Variants in ADAMTSL1 observed in about 807,000 individuals in gnomAD.
ADAMTSL1 encodes ADAMTS like 1, also known as ADAMTS-like protein 1.
Under a neutral mutation model 201.8 loss-of-function variants are expected in ADAMTSL1, and 126 were observed. That is an observed-to-expected ratio of 0.62 (90% CI 0.54 to 0.72). ADAMTSL1 has a LOEUF of 0.72. Ranked by LOEUF, ADAMTSL1 falls within the 30% of genes least tolerant of loss-of-function variation. The probability of loss-of-function intolerance (pLI) is 0.00; values close to 1 mark genes in which losing one functional copy is unlikely to be tolerated. For missense variants in ADAMTSL1, 2,679 were observed against 2,277.8 expected (o/e 1.18, Z -3.59); for synonymous variants, 1,121 against 903.4 (o/e 1.24, Z -4.32).
chr9:17,943,178 G>C (rs1438922794), intron 1 of ADAMTSL1, among the ~76,000 whole-genome samples: 1 of 152,100 alleles, frequency 6.6e-6, no homozygotes, highest in Non-Finnish European at 1.5e-5. Context: ...CTGGGTTCAA[G>C]CAGTCCTCTC....
intron 2 of ADAMTSL1, among the ~76,000 whole-genome samples, chr9:18,441,644 G>C (rs933567880): frequency 1.3e-5 from 2 of 152,076 alleles, no homozygotes; most frequent in African/African-American, 4.8e-5. Flanking sequence ...ATGGCATGAT[G>C]CCTCTTCAAA....
At chr9:18,017,276 G>A (rs932269594) in intron 1 of ADAMTSL1, among the ~76,000 whole-genome samples, 5 of 151,972 alleles carry the variant, frequency 3.3e-5, no homozygotes, top group East Asian at 1.9e-4. Context: ...CTTCATATTC[G>A]TTCTGAATGT....
At chr9:18,110,112 C>T (rs1824939245) in intron 1 of ADAMTSL1, among the ~76,000 whole-genome samples, 1 of 152,192 alleles carries the variant, frequency 6.6e-6, no homozygotes, top group South Asian at 2.1e-4. Flanking sequence ...TTTCCTCTTT[C>T]CCTAGAGACT....
At chr9:18,878,852 G>A (rs1361708102) in intron 23 of ADAMTSL1, among the ~76,000 whole-genome samples, 1 of 152,168 alleles carries the variant, frequency 6.6e-6, no homozygotes, top group East Asian at 1.9e-4. Flanking sequence ...TCGAAGCTTG[G>A]AGGAGAGGCC....
chr9:17,949,929 T>A (rs911502705), intron 1 of ADAMTSL1, among the ~76,000 whole-genome samples: 2 of 151,910 alleles, frequency 1.3e-5, no homozygotes, highest in Non-Finnish European at 2.9e-5. Context: ...CCGTAGTGCT[T>A]TTTTTTTGAG....
At chr9:18,884,182 C>G (rs1439324676) in intron 23 of ADAMTSL1, among the ~76,000 whole-genome samples, 2 of 152,118 alleles carry the variant, frequency 1.3e-5, no homozygotes, top group African/African-American at 4.8e-5. Context: ...AGCATCTTTT[C>G]ATGTGTTTAT....
intron 23 of ADAMTSL1, among the ~76,000 whole-genome samples, chr9:18,836,349 T>G (rs1027317370): frequency 1.3e-5 from 2 of 152,126 alleles, no homozygotes; most frequent in African/African-American, 4.8e-5. Context: ...GGATACATAG[T>G]TTTTGAATAT....
At chr9:18,433,789 G>C (rs547273444) in intron 2 of ADAMTSL1, among the ~76,000 whole-genome samples, 1 of 152,270 alleles carries the variant, frequency 6.6e-6, no homozygotes, top group South Asian at 2.1e-4. Flanking sequence ...AGTTCCACAA[G>C]TTTTAACAAA....
chr9:18,448,604 T>C (rs1219780274), intron 2 of ADAMTSL1, among the ~76,000 whole-genome samples: 2 of 152,332 alleles, frequency 1.3e-5, no homozygotes, highest in East Asian at 1.9e-4. Context: ...ATATTAATTG[T>C]AGATGTTTCT....
chr9:18,287,597 A>ATATATG (rs1488236521), intron 2 of ADAMTSL1, among the ~76,000 whole-genome samples: 2 of 135,610 alleles, frequency 1.5e-5, no homozygotes, highest in Non-Finnish European at 3.1e-5. Context: ...ATATATACAC[A>ATATATG]CATATATGCA....
chr9:18,050,463 A>G (rs1821882888), intron 1 of ADAMTSL1, among the ~76,000 whole-genome samples: 1 of 152,202 alleles, frequency 6.6e-6, no homozygotes, highest in Non-Finnish European at 1.5e-5. Context: ...TATCTAAATG[A>G]ATCTAGCATC....
chr9:18,681,704 G>GGGGA, intron 11 of ADAMTSL1, 108 bp from the exon 12 acceptor site: 3 of 716,348 alleles, frequency 4.2e-6, no homozygotes, highest in Non-Finnish European at 4.0e-6. Context: ...GTGTGGGGGG[G>GGGGA]GGGGGCGGGG....
At chr9:18,413,732 G>A (rs1818552749) in intron 2 of ADAMTSL1, among the ~76,000 whole-genome samples, 1 of 152,102 alleles carries the variant, frequency 6.6e-6, no homozygotes, top group Admixed American at 6.5e-5. Flanking sequence ...TTATTGAATT[G>A]TTGTAGCTTC....
Position 17,930,426 on chromosome 9 carries a change from A to T in ADAMTSL1, c.87+23504A>T, listed in dbSNP as rs558709789. Reference sequence around the variant, plus strand: ...CTTTTTGTATTCTTAACTAGGCTCAAATCTGGTAGGGTTCCATTCCCTCTT... The same window carrying T: ...CTTTTTGTATTCTTAACTAGGCTCATATCTGGTAGGGTTCCATTCCCTCTT... On this transcript the variant is annotated intron_variant, in intron 1 of 29. Transcript: ENST00000680146. Among the ~76,000 whole-genome samples, 10 of 152,172 alleles carry T rather than the reference A, an allele frequency of 6.6e-5. No homozygotes were observed. The South Asian group carries it at 2.1e-3, about 32-fold the overall frequency.
intron 1 of ADAMTSL1, among the ~76,000 whole-genome samples, chr9:18,038,466 C>T (rs1821297513): frequency 6.6e-6 from 1 of 152,070 alleles, no homozygotes; most frequent in African/African-American, 2.4e-5. Flanking sequence ...AATAAAAGTC[C>T]AGATTTTGAA....
At chr9:18,604,371 CAAG>C (rs1824868440) in intron 4 of ADAMTSL1, among the ~76,000 whole-genome samples, 1 of 152,156 alleles carries the variant, frequency 6.6e-6, no homozygotes, top group Admixed American at 6.5e-5. Context: ...TACTCTTTAA[CAAG>C]AAGGAAAACT....
At chr9:18,295,871 A>G (rs112525076) in intron 2 of ADAMTSL1, among the ~76,000 whole-genome samples, 17 of 152,362 alleles carry the variant, frequency 1.1e-4, no homozygotes, top group African/African-American at 1.2e-4. Flanking sequence ...TTAAAAATGT[A>G]TTAACATAAA....
At chr9:18,847,004 T>G (rs1399173324) in intron 23 of ADAMTSL1, among the ~76,000 whole-genome samples, 1 of 152,172 alleles carries the variant, frequency 6.6e-6, no homozygotes, top group Non-Finnish European at 1.5e-5. Flanking sequence ...ATGCAGAATG[T>G]GTAGTTATAA....
intron 20 of ADAMTSL1, among the ~76,000 whole-genome samples, chr9:18,797,572 G>A (rs1822505676): frequency 6.6e-6 from 1 of 152,176 alleles, no homozygotes; most frequent in African/African-American, 2.4e-5. Context: ...CTGCTTAGTA[G>A]GTTATAAGAT....
Sources: gnomAD v4.1 joint callset for allele counts (sites outside exome capture counted in the v4.1 genomes callset) on GRCh38, gnomAD v4.1.1 for gene constraint, MANE v1.5 for transcripts, NCBI Gene and HGNC (gene_info 2026-07-23, HGNC 2026-07-21) for gene names.